The following FLNB variants were observed in gnomAD, a reference collection of about 807,000 sequenced individuals.
FLNB encodes filamin-B.
Under a neutral mutation model 250.6 loss-of-function variants are expected in FLNB, and 111 were observed. The ratio of observed to expected loss-of-function variants is 0.44; its 90% CI spans 0.38 to 0.52. The LOEUF (loss-of-function observed/expected upper bound fraction) is 0.52, where lower values mean the gene tolerates loss of function less well. Ranked by LOEUF, FLNB falls within the 20% of genes least tolerant of loss-of-function variation. The probability of loss-of-function intolerance (pLI) is 0.00; values close to 1 mark genes in which losing one functional copy is unlikely to be tolerated. For synonymous variants in FLNB, 1,302 were observed against 1,372.1 expected (o/e 0.95, Z 1.13); for missense variants, 2,869 against 3,447.8 (o/e 0.83, Z 4.20).
In FLNB at chr3:58,121,241, G is replaced by A. The variant is rs191462781; in HGVS notation, c.2864G>A (p.Arg955Lys). 5.6e-6 allele frequency: 9 copies of A among 1,614,156 alleles called. No individual in the cohort carries two copies. Among genetic ancestry groups the A allele is most frequent in the Non-Finnish European group, 7.6e-6 (9 of 1,180,032 alleles). ...ACCTCAGCTTGTGTTTCTTTTCCAGGGGTGGAAGTTGGGAAGGATCAGGAG... is the reference window on the plus strand; with the variant it reads ...ACCTCAGCTTGTGTTTCTTTTCCAGAGGTGGAAGTTGGGAAGGATCAGGAG... The part of the protein sequence containing the change: ...SKIKLNGLEN[R>K]VEVGKDQEFT... Residue 955 changes from arginine to lysine, a missense_variant and splice_region_variant, in exon 20 of 46, where the codon AGG becomes AAG. Around this residue, in one of 5 missense-constraint regions of FLNB, gnomAD observed 1,348 missense variants for 1,466.7 expected, o/e 0.92. Transcript: ENST00000295956.
chr3:58,074,852 G>A (rs898589186), intron 1 of FLNB, among the ~76,000 whole-genome samples: 1 of 152,074 alleles, frequency 6.6e-6, no homozygotes, highest in Admixed American at 6.5e-5. Context: ...GATTGCTTGA[G>A]TTAGTTTTTC....
In FLNB at chr3:58,125,679, G is replaced by A; in HGVS notation, c.3997G>A (p.Ala1333Thr). 6.2e-7 allele frequency: 1 copy of A among 1,614,182 alleles called. No homozygotes were observed. Among genetic ancestry groups the A allele is most frequent in the South Asian group, 1.1e-5 (1 of 91,078 alleles). ...AGGCTGCCAGCCATCTAGGGTGCAA[G>A]CCCAAGGACCTGGATTGAAAGAGGC... ...TEGCQPSRVQ[A>T]QGPGLKEAFT... The change falls in exon 23 of 46, where the codon GCC (alanine) becomes ACC (threonine). Residue 1333 changes from alanine to threonine, a missense_variant. Around this residue, in one of 5 missense-constraint regions of FLNB, gnomAD observed 1,348 missense variants for 1,466.7 expected, o/e 0.92. Coordinates refer to ENST00000295956, the MANE Select transcript of FLNB (RefSeq NM_001457.4).
intron 45 of FLNB, 84 bp from the exon 46 acceptor site, chr3:58,170,491 C>T: frequency 7.2e-7 from 1 of 1,389,402 alleles, no homozygotes; most frequent in Non-Finnish European, 1.0e-6. Flanking sequence ...CGTGGAAGCA[C>T]CTTACCTTTG....
At chr3:58,166,846 C>T (rs972527819) in intron 43 of FLNB, among the ~76,000 whole-genome samples, 50 of 147,912 alleles carry the variant, frequency 3.4e-4, no homozygotes, top group African/African-American at 1.3e-3. Context: ...AGTAATAAGG[C>T]CGGGTGCGTT....
chr3:58,078,041 T>C (rs2097204126), intron 2 of FLNB, among the ~76,000 whole-genome samples: 1 of 152,300 alleles, frequency 6.6e-6, no homozygotes, highest in East Asian at 1.9e-4. Flanking sequence ...TAGTATTTAG[T>C]TAGTTAGTGG....
At position 58,150,118 on chromosome 3, in the gene FLNB, C is replaced by T. The variant is rs759052646; in HGVS notation, c.6258C>T (p.Thr2086=). 17 of 1,614,132 alleles carry T rather than the reference C, an allele frequency of 1.1e-5. No homozygotes were observed. Among genetic ancestry groups the T allele is most frequent in the Admixed American group, 3.3e-5 (2 of 60,012 alleles). The change falls in exon 38 of 46, where the codon ACC becomes ACT. Residue 2086 remains threonine, a synonymous_variant. Coordinates refer to ENST00000295956, the MANE Select transcript of FLNB (RefSeq NM_001457.4). The part of the protein sequence containing the change: ...ADEHVPGSPF[T]VKISGEGRVK... ...TGGGTCTTGCAGGGAGCCCATTTAC[C>T]GTGAAGATCAGTGGGGAGGGAAGAG...
chr3:58,169,701 C>T lies in FLNB; in HGVS notation c.7529C>T (p.Ser2510Leu), dbSNP rs754275385. 1.2e-5 allele frequency: 19 copies of T among 1,613,926 alleles called. No homozygotes were observed. Among genetic ancestry groups the T allele is most frequent in the East Asian group, 2.2e-5 (1 of 44,888 alleles). Reference protein sequence around the residue: ...TCYSAIPKASSDASKVTSKGA... With the variant: ...TCYSAIPKASLDASKVTSKGA... ...TATAGCGCCATTCCCAAGGCATCCT[C>T]GGACGCCAGCAAGGTGACCTCTAAG... Residue 2510 changes from serine to leucine, a missense_variant, in exon 45 of 46, where the codon TCG becomes TTG. By Grantham distance (145) the Ser-to-Leu change is moderately radical. This residue lies in a region of FLNB where 1,084 missense variants were observed against 1,315.5 expected (regional missense o/e 0.82). Coordinates refer to ENST00000295956, the MANE Select transcript of FLNB (RefSeq NM_001457.4). This position sits in a 1 kb window ranked among gnomAD's most constrained non-coding sequence, Gnocchi z 4.8.
intron 1 of FLNB, among the ~76,000 whole-genome samples, chr3:58,065,465 A>T (rs1376480094): frequency 6.6e-6 from 1 of 152,126 alleles, no homozygotes; most frequent in African/African-American, 2.4e-5. Context: ...CCCCTGTGTC[A>T]CTTTTGGCAG....
chr3:58,125,224 C>T (rs184201238), intron 22 of FLNB, among the ~76,000 whole-genome samples: 2 of 152,304 alleles, frequency 1.3e-5, no homozygotes, highest in African/African-American at 2.4e-5. Flanking sequence ...GCTCAACCTC[C>T]TGGGCTCAAA....
chr3:58,109,410 A>C, intron 14 of FLNB, 88 bp downstream of exon 14: 1 of 1,584,086 alleles, frequency 6.3e-7, no homozygotes, highest in Non-Finnish European at 8.6e-7. Flanking sequence ...GCCAAGGCAG[A>C]CATATGGAAG....
intron 36 of FLNB, 129 bp from the exon 37 acceptor site, chr3:58,149,721 C>A: frequency 8.3e-7 from 1 of 1,207,688 alleles, no homozygotes; most frequent in Non-Finnish European, 1.2e-6. Context: ...CAAACGAGGC[C>A]GCCATTGCTT....
intron 12 of FLNB, among the ~76,000 whole-genome samples, chr3:58,107,297 G>T (rs1195823838): frequency 1.3e-5 from 2 of 152,304 alleles, no homozygotes; most frequent in Non-Finnish European, 2.9e-5. Context: ...CTCCCAAAGT[G>T]CTGGGATTAC....
At chr3:58,045,903 G>A (rs1003060137) in intron 1 of FLNB, among the ~76,000 whole-genome samples, 1 of 149,660 alleles carries the variant, frequency 6.7e-6, no homozygotes, top group African/African-American at 2.5e-5. Flanking sequence ...GGGAGGCTGA[G>A]GCAGGATAAT....
chr3:58,144,420 T>C (rs1212897712), intron 32 of FLNB, among the ~76,000 whole-genome samples: 2 of 152,208 alleles, frequency 1.3e-5, no homozygotes, highest in East Asian at 3.9e-4. Context: ...AGACTCTCCA[T>C]GCAAACGGAA....
At chr3:58,148,168 A>G in intron 34 of FLNB, 38 bp from the exon 35 acceptor site, 1 of 1,611,684 alleles carries the variant, frequency 6.2e-7, no homozygotes, top group East Asian at 2.2e-5. Context: ...CAGGGTAACC[A>G]CATGTAACGG....
At chr3:58,090,295 T>A (rs562084473) in intron 4 of FLNB, among the ~76,000 whole-genome samples, 4 of 152,298 alleles carry the variant, frequency 2.6e-5, no homozygotes, top group Non-Finnish European at 4.4e-5. Context: ...CCGTCTCCTA[T>A]AATAACAATG....
chr3:58,018,961 A>AC (rs1359988115), intron 1 of FLNB, among the ~76,000 whole-genome samples: 3 of 121,316 alleles, frequency 2.5e-5, no homozygotes, highest in African/African-American at 1.0e-4. Flanking sequence ...TCACATCTCT[A>AC]CAAAAAAAAA....
intron 24 of FLNB, among the ~76,000 whole-genome samples, chr3:58,128,385 G>A (rs984527971): frequency 6.6e-6 from 1 of 152,148 alleles, no homozygotes; most frequent in East Asian, 1.9e-4. Context: ...TTGTGCTTGC[G>A]GCTCATTCAA....
At chr3:58,028,929 T>C (rs1294336117) in intron 1 of FLNB, among the ~76,000 whole-genome samples, 1 of 151,900 alleles carries the variant, frequency 6.6e-6, no homozygotes, top group Non-Finnish European at 1.5e-5. Flanking sequence ...AACATTTTAA[T>C]AAATTAGCTG....
Sources: allele counts gnomAD v4.1 joint callset (sites outside exome capture counted in the v4.1 genomes callset), GRCh38; gene constraint gnomAD v4.1.1; regional missense constraint gnomAD v4.1.1; non-coding constraint Gnocchi (gnomAD v3.1); transcripts MANE v1.5; gene names NCBI Gene and HGNC (gene_info 2026-07-23, HGNC 2026-07-21).